The following CTIF variants were observed in gnomAD, a reference collection of about 807,000 sequenced individuals.
The protein encoded by CTIF is CBP80/20-dependent translation initiation factor.
CTIF carries 21 observed loss-of-function variants against 66.0 expected under a neutral mutation model. The ratio of observed to expected loss-of-function variants is 0.32; its 90% CI spans 0.23 to 0.46. The LOEUF is 0.46. Among genes scored for constraint, CTIF ranks in the 20% least tolerant of loss-of-function variants. CTIF has a pLI of 1.00. For synonymous variants in CTIF, 345 were observed against 326.4 expected, an observed-to-expected ratio of 1.06 and a Z score of -0.62; for missense variants, 739 against 812.7, an observed-to-expected ratio of 0.91 and a Z score of 1.10.
intron 9 of CTIF, among the ~76,000 whole-genome samples, chr18:48,804,631 C>T (rs982310934): frequency 2.0e-5 from 3 of 152,214 alleles, no homozygotes; most frequent in Admixed American, 6.5e-5. Flanking sequence ...GCACCAGATA[C>T]GTTGCACATG....
chr18:48,619,787 A>AG, intron 2 of CTIF, 42 bp downstream of exon 2: 2 of 1,468,236 alleles, frequency 1.4e-6, no homozygotes, highest in Non-Finnish European at 1.8e-6. Flanking sequence ...GGAAATTCAG[A>AG]GGGGGTGATG....
intron 3 of CTIF, among the ~76,000 whole-genome samples, chr18:48,649,809 G>A (rs1015042386): frequency 2.2e-4 from 33 of 152,180 alleles, no homozygotes; most frequent in Non-Finnish European, 4.3e-4. Context: ...GTTCTGCAGT[G>A]TCCACTAGTG....
intron 6 of CTIF, among the ~76,000 whole-genome samples, chr18:48,691,822 T>G (rs1046048646): frequency 3.3e-5 from 5 of 152,096 alleles, no homozygotes; most frequent in African/African-American, 1.2e-4. Context: ...ATTCTTATCC[T>G]CCACCGCCCC....
At chr18:48,858,775 C>A (rs11876330) in intron 11 of CTIF, among the ~76,000 whole-genome samples, 1 of 152,082 alleles carries the variant, frequency 6.6e-6, no homozygotes, top group Non-Finnish European at 1.5e-5. Context: ...TTCTCTCCCC[C>A]ACTTCCTGTC....
chr18:48,539,855 C>G (rs1018165592), intron 1 of CTIF: 1 of 152,550 alleles, frequency 6.6e-6, no homozygotes, highest in Non-Finnish European at 1.5e-5. Context: ...CTCGGGGTGG[C>G]GTTTGGGGGC....
At chr18:48,830,839 C>T (rs564416627) in intron 10 of CTIF, among the ~76,000 whole-genome samples, 6 of 151,170 alleles carry the variant, frequency 4.0e-5, no homozygotes, top group Middle Eastern at 3.4e-3. Context: ...CTTTGTTAAT[C>T]GCTTATTTTC....
chr18:48,628,630 C>T (rs187279511), intron 2 of CTIF, among the ~76,000 whole-genome samples: 9 of 152,246 alleles, frequency 5.9e-5, no homozygotes, highest in African/African-American at 2.2e-4. Flanking sequence ...ATTATTATTA[C>T]AGATGGGGGA....
rs747319434 is a variant in CTIF at position 48,668,135 on chromosome 18, G to T, written c.432-2534G>T. ...GCCCTGACGAGGGCAGGCCTCGTGG[G>T]ACAGCAGCCCTCCCTGCAGGCCTCC... On this transcript the variant is annotated intron_variant, in intron 5 of 11. Coordinates refer to ENST00000256413, the MANE Select transcript of CTIF (RefSeq NM_014772.3). 4.1e-4 allele frequency among the ~76,000 whole-genome samples: 62 copies of T among 152,264 alleles called. 1 individual carries two copies. Among genetic ancestry groups the T allele is most frequent in the Non-Finnish European group, 7.5e-4 (51 of 68,042 alleles).
intron 6 of CTIF, among the ~76,000 whole-genome samples, chr18:48,693,058 C>G (rs2091954825): frequency 6.6e-6 from 1 of 152,198 alleles, no homozygotes; most frequent in Admixed American, 6.5e-5. Context: ...ATATTAGGCC[C>G]TTACGTGCTT....
intron 3 of CTIF, among the ~76,000 whole-genome samples, chr18:48,648,491 A>ACACACG (rs1598801481): frequency 2.0e-5 from 3 of 147,192 alleles, no homozygotes; most frequent in South Asian, 2.2e-4. Flanking sequence ...ACACACACGC[A>ACACACG]CACACACACA....
intron 5 of CTIF, 180 bp from the exon 6 acceptor site, chr18:48,670,489 C>A: frequency 9.0e-6 from 5 of 557,278 alleles, no homozygotes; most frequent in Non-Finnish European, 1.6e-5. Flanking sequence ...GGGAGGACCC[C>A]CCCCCCACAC....
At chr18:48,603,183 T>G (rs1199660706) in intron 1 of CTIF, among the ~76,000 whole-genome samples, 2 of 143,222 alleles carry the variant, frequency 1.4e-5, no homozygotes, top group African/African-American at 5.3e-5. Context: ...GATAGATGGG[T>G]GGGTGGATAG....
intron 3 of CTIF, among the ~76,000 whole-genome samples, chr18:48,649,338 C>A (rs895334354): frequency 6.6e-6 from 1 of 152,216 alleles, no homozygotes; most frequent in South Asian, 2.1e-4. Context: ...GCCCATAGAG[C>A]CTTACTCACT....
chr18:48,735,089 TTGTG>T (rs757956310), intron 7 of CTIF, among the ~76,000 whole-genome samples: 4 of 138,084 alleles, frequency 2.9e-5, no homozygotes, highest in African/African-American at 6.0e-5. Flanking sequence ...TATGTCCAGT[TTGTG>T]TGCGTGTGTG....
chr18:48,827,101 G>A (rs1054706686), intron 10 of CTIF, among the ~76,000 whole-genome samples: 19 of 152,260 alleles, frequency 1.2e-4, no homozygotes, highest in East Asian at 9.6e-4. Flanking sequence ...TGAGCGAGCC[G>A]TGGCCAGCTC....
At chr18:48,721,522 AGT>A (rs1350280054) in intron 7 of CTIF, among the ~76,000 whole-genome samples, 1 of 152,278 alleles carries the variant, frequency 6.6e-6, no homozygotes, top group East Asian at 1.9e-4. Flanking sequence ...CCCCGGGGAC[AGT>A]GTGTCTGGTG....
At chr18:48,734,501 G>A (rs2092482512) in intron 7 of CTIF, among the ~76,000 whole-genome samples, 1 of 152,208 alleles carries the variant, frequency 6.6e-6, no homozygotes, top group Admixed American at 6.5e-5. Flanking sequence ...GGGAGGCAGA[G>A]GTTGCAGTGA....
intron 10 of CTIF, among the ~76,000 whole-genome samples, chr18:48,855,365 A>G (rs765133772): frequency 1.3e-5 from 2 of 152,242 alleles, no homozygotes; most frequent in Non-Finnish European, 2.9e-5. Context: ...TTGAGTACCT[A>G]CTAGACATAG....
chr18:48,674,337 C>T (rs183419350), intron 6 of CTIF, among the ~76,000 whole-genome samples: 3 of 152,368 alleles, frequency 2.0e-5, no homozygotes, highest in Admixed American at 1.3e-4. Context: ...CCACCTTCCT[C>T]CCCTGTGCTG....
Sources: gnomAD v4.1 joint callset for allele counts (sites outside exome capture counted in the v4.1 genomes callset) on GRCh38, gnomAD v4.1.1 for gene constraint, MANE v1.5 for transcripts, NCBI Gene and HGNC (gene_info 2026-07-23, HGNC 2026-07-21) for gene names.